Variants in G6PC1 observed in about 807,000 individuals in gnomAD.
G6PC1 encodes the protein G-6-Pase.
A neutral mutation model predicts 30.4 loss-of-function variants in G6PC1; 23 were observed. That is an observed-to-expected ratio of 0.76 (90% CI 0.55 to 1.07). G6PC1 has a LOEUF of 1.07. Among genes scored for constraint, G6PC1 ranks in the 50% least tolerant of loss-of-function variants. The probability of loss-of-function intolerance (pLI) is 0.00; values close to 1 mark genes in which losing one functional copy is unlikely to be tolerated. For missense variants in G6PC1, 391 were observed against 433.9 expected, an observed-to-expected ratio of 0.90 and a Z score of 0.88; for synonymous variants, 163 against 175.6, an observed-to-expected ratio of 0.93 and a Z score of 0.57.
chr17:42,910,296 T>C (rs896271463), intron 4 of G6PC1, among the ~76,000 whole-genome samples: 4 of 152,146 alleles, frequency 2.6e-5, no homozygotes, highest in Non-Finnish European at 1.5e-5. Context: ...GAACGGAACA[T>C]AGCAGCATTC....
intron 3 of G6PC1, 59 bp downstream of exon 3, chr17:42,907,687 C>A: frequency 8.6e-7 from 1 of 1,159,690 alleles, no homozygotes; most frequent in Non-Finnish European, 1.3e-6. Context: ...CTCTCTGTAG[C>A]TGACACACCA....
At chr17:42,901,199 T>C (rs1676617992) in intron 1 of G6PC1, 93 bp downstream of exon 1, 2 of 1,103,284 alleles carry the variant, frequency 1.8e-6, no homozygotes, top group Admixed American at 1.7e-5. Flanking sequence ...CCCCAGGCTA[T>C]TCAGGAAGCC....
At chr17:42,909,509 T>A in intron 4 of G6PC1, 91 bp downstream of exon 4, 1 of 925,050 alleles carries the variant, frequency 1.1e-6, no homozygotes, top group South Asian at 1.3e-5. Context: ...TCCAGCCACA[T>A]CCTGTGTGTA....
At chr17:42,902,716 C>T (rs887796525) in intron 1 of G6PC1, among the ~76,000 whole-genome samples, 8 of 152,096 alleles carry the variant, frequency 5.3e-5, no homozygotes, top group Non-Finnish European at 1.5e-5. Context: ...TCCTGACTGG[C>T]GGTTGACACC....
In G6PC1 at chr17:42,911,556, A is replaced by T; in HGVS notation, c.*130A>T. On this transcript the variant is annotated 3_prime_UTR_variant, in exon 5 of 5. Coordinates refer to ENST00000253801, the MANE Select transcript of G6PC1 (RefSeq NM_000151.4). ...ATCCATTCTGCCGTCGTGGAATTAA[A>T]TCACGGATGGCAGATTGGAGGGTCG... 7.1e-7 allele frequency: 1 copy of T among 1,404,762 alleles called. No individual in the cohort carries two copies. The highest frequency in any genetic ancestry group is 9.9e-7 in the Non-Finnish European group (1 of 1,012,270). 87.0% of individuals were successfully genotyped at this position (1,404,762 alleles called of 1,614,324 possible). A position where few individuals can be genotyped will look rare whatever the true frequency, so the allele number is the denominator to read the frequency against.
chr17:42,903,315 C>G lies in G6PC1; in HGVS notation c.231-616C>G, dbSNP rs183720074. ...GCCAGGCTGGTCTCAAACTCCTGAC[C>G]TCATGTGATCTGCCTGCCTTGGCCT... On this transcript the variant is annotated intron_variant, in intron 1 of 4. Transcript: ENST00000253801. Among the ~76,000 whole-genome samples, 188 of 152,088 alleles carry G rather than the reference C, an allele frequency of 1.2e-3. 1 individual carries two copies. In the East Asian group the frequency reaches 0.031, roughly 25 times the overall value.
chr17:42,901,441 G>A (rs932134418), intron 1 of G6PC1, among the ~76,000 whole-genome samples: 2 of 152,164 alleles, frequency 1.3e-5, no homozygotes, highest in African/African-American at 4.8e-5. Flanking sequence ...TATGGGGCCA[G>A]GCATGGTGGC....
chr17:42,903,235 C>A (rs1336638703), intron 1 of G6PC1, among the ~76,000 whole-genome samples: 3 of 151,924 alleles, frequency 2.0e-5, no homozygotes, highest in Non-Finnish European at 4.4e-5. Flanking sequence ...TCACGCACCA[C>A]CACATCTGGC....
chr17:42,908,437 C>T (rs1567705345), intron 3 of G6PC1, among the ~76,000 whole-genome samples: 2 of 147,156 alleles, frequency 1.4e-5, no homozygotes, highest in South Asian at 4.3e-4. Flanking sequence ...GACGGAATCT[C>T]GCTCTGTTGC....
chr17:42,903,080 A>ATTTT (rs1260008776), intron 1 of G6PC1, among the ~76,000 whole-genome samples: 4 of 126,684 alleles, frequency 3.2e-5, no homozygotes, highest in African/African-American at 3.0e-5. Context: ...GGATTTCAGG[A>ATTTT]TTTTTTTTTT....
At chr17:42,908,037 A>G (rs188802246) in intron 3 of G6PC1, among the ~76,000 whole-genome samples, 5 of 152,158 alleles carry the variant, frequency 3.3e-5, no homozygotes, top group African/African-American at 9.6e-5. Flanking sequence ...AATCCTTTTT[A>G]TTTTTATTTT....
At chr17:42,910,316 T>C (rs947708443) in intron 4 of G6PC1, among the ~76,000 whole-genome samples, 7 of 152,218 alleles carry the variant, frequency 4.6e-5, no homozygotes, top group Admixed American at 1.3e-4. Context: ...CAAAGAAGAA[T>C]GTTGAGAACA....
Position 42,910,896 on chromosome 17 carries a change from C to T in G6PC1, c.563-19C>T. ...CCAAATCCTTCCTATCTCTCACAGT[C>T]ATGCTTTCTTCCACTCAGGCATTGC... On this transcript the variant is annotated intron_variant, in intron 4 of 4. Transcript: ENST00000253801. 6.2e-7 allele frequency: 1 copy of T among 1,613,602 alleles called. No homozygotes were observed. The highest frequency in any genetic ancestry group is 8.5e-7 in the Non-Finnish European group (1 of 1,179,592).
rs952489742 is a variant in G6PC1, at chr17:42,911,653, C to T, written c.*227C>T. On this transcript the variant is annotated 3_prime_UTR_variant, in exon 5 of 5. Transcript: ENST00000253801. ...TCTTTCAGATGGAGGTGCCATATCA[C>T]GTACACCATATGCAAGTTTCCCGCC... The T allele has an allele frequency of 6.6e-6, 4 of 609,298 alleles. No homozygotes were observed. The highest frequency in any genetic ancestry group is 1.2e-5 in the Non-Finnish European group (4 of 347,420). 37.7% of individuals were successfully genotyped at this position (609,298 alleles called of 1,614,324 possible).
At chr17:42,901,149 G>C (rs1180328922) in intron 1 of G6PC1, 43 bp downstream of exon 1, 29 of 1,533,340 alleles carry the variant, frequency 1.9e-5, no homozygotes, top group Non-Finnish European at 2.6e-5. Context: ...AAAGAGGCTG[G>C]CATTCGCTCT....
intron 1 of G6PC1, among the ~76,000 whole-genome samples, chr17:42,901,491 G>A (rs1464850602): frequency 6.6e-6 from 1 of 152,106 alleles, no homozygotes; most frequent in African/African-American, 2.4e-5. Flanking sequence ...GCCGAGGTGG[G>A]CGAATCACTC....
Position 42,912,660 on chromosome 17 carries a change from G to A in G6PC1, c.*1234G>A, listed in dbSNP as rs1480631301. ...TCTCTTTTTTTTTTTTTTTGAGACAGGGTCTCACTATGTTGCCCAGGCTGC... is the reference window on the plus strand; with the variant it reads ...TCTCTTTTTTTTTTTTTTTGAGACAAGGTCTCACTATGTTGCCCAGGCTGC... On this transcript the variant is annotated 3_prime_UTR_variant, in exon 5 of 5. Coordinates refer to ENST00000253801, the MANE Select transcript of G6PC1 (RefSeq NM_000151.4). 2 of 144,388 alleles carry A rather than the reference G, an allele frequency of 1.4e-5. No individual in the cohort carries two copies. The highest frequency in any genetic ancestry group is 2.0e-4 in the East Asian group (1 of 5,034). The allele number at this position is 144,388 out of a possible 1,614,324, so 8.9% of individuals were successfully genotyped here. A position where few individuals can be genotyped will look rare whatever the true frequency, so the allele number is the denominator to read the frequency against.
At chr17:42,901,191 C>G in intron 1 of G6PC1, 85 bp downstream of exon 1, 1 of 1,228,472 alleles carries the variant, frequency 8.1e-7, no homozygotes, top group Non-Finnish European at 1.2e-6. Flanking sequence ...GTTGCTTTCC[C>G]CAGGCTATTC....
At chr17:42,908,726 G>A (rs1052475926) in intron 3 of G6PC1, among the ~76,000 whole-genome samples, 10 of 124,020 alleles carry the variant, frequency 8.1e-5, no homozygotes, top group African/African-American at 1.7e-4. Flanking sequence ...TTTTTGAGAC[G>A]GAGTTTTGCT....
Sources: gnomAD v4.1 joint callset for allele counts (sites outside exome capture counted in the v4.1 genomes callset) on GRCh38, gnomAD v4.1.1 for gene constraint, MANE v1.5 for transcripts, NCBI Gene and HGNC (gene_info 2026-07-23, HGNC 2026-07-21) for gene names.